The following XRN2 variants were observed in gnomAD, a reference collection of about 807,000 sequenced individuals.
The protein encoded by XRN2 is DHM1-like protein.
XRN2 carries 44 observed loss-of-function variants against 138.5 expected under a neutral mutation model. The observed-to-expected ratio is 0.32, with a 90% CI of 0.25 to 0.41. The LOEUF (loss-of-function observed/expected upper bound fraction) is 0.41, where lower values mean the gene tolerates loss of function less well. Among genes scored for constraint, XRN2 ranks in the 10% least tolerant of loss-of-function variants. XRN2 has a pLI of 1.00. For missense variants in XRN2, 937 were observed against 1,169.3 expected, an observed-to-expected ratio of 0.80 and a Z score of 2.90; for synonymous variants, 354 against 369.4, an observed-to-expected ratio of 0.96 and a Z score of 0.48.
chr20:21,349,472 G>A lies in XRN2; in HGVS notation c.1936+11G>A. The A allele has an allele frequency of 6.3e-7, 1 of 1,578,536 alleles. No individual in the cohort carries two copies. Among genetic ancestry groups the A allele is most frequent in the Non-Finnish European group, 8.7e-7 (1 of 1,149,594 alleles). Reference sequence around the variant, plus strand: ...AATATGCATGGCAAGGTAAAATTTAGACGTTCTTTTCTGGTAAAACTGTGA... The same window carrying A: ...AATATGCATGGCAAGGTAAAATTTAAACGTTCTTTTCTGGTAAAACTGTGA... On this transcript the variant is annotated intron_variant, in intron 20 of 29. Transcript: ENST00000377191.
intron 4 of XRN2, among the ~76,000 whole-genome samples, chr20:21,330,112 G>A (rs531363525): frequency 3.2e-4 from 49 of 152,140 alleles, no homozygotes; most frequent in Admixed American, 1.2e-3. Flanking sequence ...ATGAAACTGC[G>A]TCTCTACTAA....
Position 21,389,287 on chromosome 20 carries a change from A to C in XRN2, c.2802A>C (p.Glu934Asp). 1 of 1,613,252 alleles carries C rather than the reference A, an allele frequency of 6.2e-7. No homozygotes were observed. The highest frequency in any genetic ancestry group is 8.5e-7 in the Non-Finnish European group (1 of 1,179,616). ...TTTATTTTCAGGGATATCCCAGAGAAGGAAGGAAATACCCTTTGCCACCAC... is the reference window on the plus strand; with the variant it reads ...TTTATTTTCAGGGATATCCCAGAGACGGAAGGAAATACCCTTTGCCACCAC... ...DRGGRQGYPR[E>D]GRKYPLPPPS... is the part of the protein sequence containing the mutation. Residue 934 changes from glutamate (E) to aspartate (D), a missense_variant, in exon 30 of 30, where the codon GAA becomes GAC. Glu to Asp is a conservative substitution (Grantham distance 45). Coordinates refer to ENST00000377191, the MANE Select transcript of XRN2 (RefSeq NM_012255.5).
intron 1 of XRN2, among the ~76,000 whole-genome samples, chr20:21,309,682 C>A (rs2037852238): frequency 2.0e-5 from 3 of 152,084 alleles, no homozygotes; most frequent in South Asian, 2.1e-4. Flanking sequence ...TAAAGTTGTT[C>A]ATAGTATTTT....
At chr20:21,339,525 G>C (rs2038344134) in intron 14 of XRN2, among the ~76,000 whole-genome samples, 2 of 152,122 alleles carry the variant, frequency 1.3e-5, no homozygotes, top group Admixed American at 1.3e-4. Flanking sequence ...TTCTGTCTTA[G>C]TTTGGTGTTC....
intron 27 of XRN2, among the ~76,000 whole-genome samples, chr20:21,381,567 AT>A: frequency 6.6e-6 from 1 of 152,286 alleles, no homozygotes; most frequent in East Asian, 1.9e-4. Context: ...CAGAAGGAAA[AT>A]TTCAGGATTT....
chr20:21,336,099 G>C (rs991967615), intron 13 of XRN2, among the ~76,000 whole-genome samples: 3 of 152,198 alleles, frequency 2.0e-5, no homozygotes, highest in Non-Finnish European at 4.4e-5. Flanking sequence ...GTTTGTGCGT[G>C]ACTACCACCC....
In XRN2 at chr20:21,348,331, CT is replaced by C. The variant is rs1568584235; in HGVS notation, c.1774-4del. The C allele has an allele frequency of 6.2e-7, 1 of 1,611,180 alleles. No individual in the cohort carries two copies. Among genetic ancestry groups the C allele is most frequent in the Admixed American group, 1.7e-5 (1 of 59,264 alleles). ...TAATCTTGGGTCTTTAATGTTTTTT[CT>C]TTTTTCAGTTTAAACCACTAGAACA... On this transcript the variant is annotated splice_polypyrimidine_tract_variant and intron_variant, in intron 18 of 29. Coordinates refer to ENST00000377191, the MANE Select transcript of XRN2 (RefSeq NM_012255.5).
At position 21,355,698 on chromosome 20, in the gene XRN2, T is replaced by TA. The variant is rs898867881; in HGVS notation, c.2021-376dup. ...ACGCATTTAGATCTATCACTATAAT[T>TA]AAAAAATTTTTTTTAAATTGATATG... On this transcript the variant is annotated intron_variant, in intron 21 of 29. Transcript: ENST00000377191. 3.3e-5 allele frequency among the ~76,000 whole-genome samples: 5 copies of TA among 152,192 alleles called. No homozygotes were observed. In the South Asian group the frequency reaches 6.2e-4, roughly 19 times the overall value.
chr20:21,358,326 C>G (rs1422117494), intron 24 of XRN2, among the ~76,000 whole-genome samples: 1 of 152,158 alleles, frequency 6.6e-6, no homozygotes, highest in South Asian at 2.1e-4. Flanking sequence ...ATTTATATCT[C>G]AGTTCTTTGG....
chr20:21,304,622 A>G (rs764713072), intron 1 of XRN2, among the ~76,000 whole-genome samples: 15 of 151,978 alleles, frequency 9.9e-5, no homozygotes, highest in Non-Finnish European at 1.8e-4. Flanking sequence ...ATACGTTATC[A>G]CTTTTAGATC....
rs1009840956 is a variant in XRN2 at position 21,323,157 on chromosome 20, G to A, written c.76-3122G>A. On this transcript the variant is annotated intron_variant, in intron 1 of 29. Coordinates refer to ENST00000377191, the MANE Select transcript of XRN2 (RefSeq NM_012255.5). Reference sequence around the variant, plus strand: ...GCCCTCTTGTGTTAGCCCACCTTTGGCAGCATATCTCTTCTCACATGTTGG... The same window carrying A: ...GCCCTCTTGTGTTAGCCCACCTTTGACAGCATATCTCTTCTCACATGTTGG... Among the ~76,000 whole-genome samples, 6 of 152,292 alleles carry A rather than the reference G, an allele frequency of 3.9e-5. No individual in the cohort carries two copies. The East Asian group carries it at 1.2e-3, about 29-fold the overall frequency.
At chr20:21,372,289 T>C (rs947998150) in intron 27 of XRN2, among the ~76,000 whole-genome samples, 18 of 152,138 alleles carry the variant, frequency 1.2e-4, no homozygotes, top group Non-Finnish European at 2.6e-4. Flanking sequence ...TCATGTGATA[T>C]TTAAATTGAG....
intron 28 of XRN2, among the ~76,000 whole-genome samples, chr20:21,386,434 C>A (rs946341747): frequency 2.0e-5 from 3 of 152,210 alleles, no homozygotes; most frequent in Non-Finnish European, 4.4e-5. Context: ...CATTTGCAAC[C>A]TGCAATTAAG....
chr20:21,303,522 C>T (rs1208119044), intron 1 of XRN2, 49 bp downstream of exon 1: 1 of 1,516,900 alleles, frequency 6.6e-7, no homozygotes, highest in South Asian at 1.2e-5. Context: ...GCCCCCGGCA[C>T]GTCTAGGCCG....
In XRN2 at chr20:21,354,900, T is replaced by C. The variant is rs766294210; in HGVS notation, c.2020+28T>C. 3.8e-6 allele frequency: 6 copies of C among 1,575,132 alleles called. No homozygotes were observed. In the African/African-American group the frequency reaches 8.1e-5, roughly 21 times the overall value. ...AAGAATTATACTTCTTAGTTAACATTGATCTGTGTAATATACACTTTATAT... is the reference window on the plus strand; with the variant it reads ...AAGAATTATACTTCTTAGTTAACATCGATCTGTGTAATATACACTTTATAT... On this transcript the variant is annotated intron_variant, in intron 21 of 29. Transcript: ENST00000377191.
chr20:21,369,790 T>C (rs1162793662), intron 27 of XRN2, among the ~76,000 whole-genome samples: 1 of 151,618 alleles, frequency 6.6e-6, no homozygotes, highest in Non-Finnish European at 1.5e-5. Context: ...AATGGATAGT[T>C]TGCAGATATT....
chr20:21,327,199 C>G (rs1011970866), intron 3 of XRN2, among the ~76,000 whole-genome samples: 3 of 152,226 alleles, frequency 2.0e-5, no homozygotes, highest in Middle Eastern at 3.4e-3. Context: ...CTTGAGAAAG[C>G]CTTACCGTCT....
chr20:21,364,335 T>G (rs1487390014), intron 24 of XRN2, among the ~76,000 whole-genome samples: 3 of 152,294 alleles, frequency 2.0e-5, no homozygotes, highest in Non-Finnish European at 4.4e-5. Context: ...TCCTTAAGTA[T>G]AAATCTGGTG....
intron 1 of XRN2, among the ~76,000 whole-genome samples, chr20:21,319,292 C>T (rs1157057493): frequency 6.6e-6 from 1 of 152,082 alleles, no homozygotes; most frequent in Non-Finnish European, 1.5e-5. Context: ...AGTGTATCTC[C>T]TGTAGATAAC....
Sources: allele counts gnomAD v4.1 joint callset (sites outside exome capture counted in the v4.1 genomes callset), GRCh38; gene constraint gnomAD v4.1.1; transcripts MANE v1.5; gene names NCBI Gene and HGNC (gene_info 2026-07-23, HGNC 2026-07-21).